The following MPEG1 variants were observed in gnomAD, a reference collection of about 807,000 sequenced individuals.
MPEG1 encodes the protein macrophage-expressed gene 1 protein.
For missense variants in MPEG1, 876 were observed against 880.3 expected (o/e 1.00, Z 0.06); for synonymous variants, 365 against 351.9 (o/e 1.04, Z -0.42).
At position 59,211,829 on chromosome 11, in the gene MPEG1, G is replaced by T. The variant is rs895227851; in HGVS notation, c.1037C>A (p.Thr346Asn). 1 of 1,614,076 alleles carries T rather than the reference G, an allele frequency of 6.2e-7. No homozygotes were observed. Among genetic ancestry groups the T allele is most frequent in the Non-Finnish European group, 8.5e-7 (1 of 1,180,036 alleles). The change falls in exon 1 of 1, where the codon ACC (threonine) becomes AAC (asparagine). Residue 346 changes from threonine (T) to asparagine (N), a missense_variant. Coordinates refer to ENST00000361050, the MANE Select transcript of MPEG1 (RefSeq NM_001039396.2). ...ATTGAGATCTGTGCAGCCAGGGTAG[G>T]TGTTGAATGTATAATAGCGCTTCAC... ...TAVKRYYTFN[T>N]YPGCTDLNSP...
At position 59,211,083 on chromosome 11, in the gene MPEG1, G is replaced by T. The variant is rs756546561; in HGVS notation, c.1783C>A (p.Pro595Thr). The stretch of plus-strand genomic sequence containing the variant: ...CTCATGAGGGGTGGCCGGGTGAAAG[G>T]TGGGAGCCTGGCAGGGGGCAGGGAC... ...GGSLPPARLP[P>T]FTRPPLMSQA... is the part of the protein sequence containing the mutation. The change falls in exon 1 of 1, where the codon CCT (proline) becomes ACT (threonine). Residue 595 changes from proline (P) to threonine (T), a missense_variant. Coordinates refer to ENST00000361050, the MANE Select transcript of MPEG1 (RefSeq NM_001039396.2). 1 of 1,614,074 alleles carries T rather than the reference G, an allele frequency of 6.2e-7. No homozygotes were observed. Among genetic ancestry groups the T allele is most frequent in the East Asian group, 2.2e-5 (1 of 44,902 alleles).
At position 59,211,697 on chromosome 11, in the gene MPEG1, C is replaced by T. The variant is rs759420367; in HGVS notation, c.1169G>A (p.Gly390Glu). 9 of 1,614,194 alleles carry T rather than the reference C, an allele frequency of 5.6e-6. No individual in the cohort carries two copies. The Admixed American group carries it at 1.5e-4, about 27-fold the overall frequency. The change falls in exon 1 of 1, where the codon GGG becomes GAG. Residue 390 changes from glycine (G) to glutamate (E), a missense_variant. By Grantham distance (98) the Gly-to-Glu change is moderately conservative (BLOSUM62 -2). Coordinates refer to ENST00000361050, the MANE Select transcript of MPEG1 (RefSeq NM_001039396.2). ...GVYQECTQLS[G>E]NRDVLLCQKL... ...TTGGCAGAGGAGGACATCCCTATTC[C>T]CTGAGAGCTGAGTGCATTCCTGATA...
chr11:59,211,612 C>G lies in MPEG1; in HGVS notation c.1254G>C (p.Pro418=). The G allele has an allele frequency of 1.2e-6, 2 of 1,614,114 alleles. No individual in the cohort carries two copies. The highest frequency in any genetic ancestry group is 1.7e-6 in the Non-Finnish European group (2 of 1,180,026). ...CGTGGATCTGGGATAACAGGTGCAC[C>G]GGGGAGTAGCCAGAGGGGCAGGAGA... ...GDFSCPSGYS[P]VHLLSQIHEE... The change falls in exon 1 of 1, where the codon CCG becomes CCC. Residue 418 remains proline, a synonymous_variant. Transcript: ENST00000361050.
Position 59,208,714 on chromosome 11 carries a change from GC to G in MPEG1, c.*2000del, listed in dbSNP as rs1862847811. On this transcript the variant is annotated 3_prime_UTR_variant, in exon 1 of 1. Transcript: ENST00000361050. ...CAGTTAGGAACCCAGGACTTGGAAGGCAGAGCCTGTGAGCTCTTCCATCAGG... is the reference window on the plus strand; with the variant it reads ...CAGTTAGGAACCCAGGACTTGGAAGGAGAGCCTGTGAGCTCTTCCATCAGG... The G allele has an allele frequency of 6.6e-6, 1 of 152,212 alleles. No homozygotes were observed. The highest frequency in any genetic ancestry group is 2.4e-5 in the African/African-American group (1 of 41,452). The allele number at this position is 152,212 out of a possible 1,614,324, so 9.4% of individuals were successfully genotyped here.
In MPEG1 at chr11:59,208,777, G is replaced by A. The variant is rs922918210; in HGVS notation, c.*1938C>T. The A allele has an allele frequency of 2.0e-5, 3 of 152,206 alleles. No individual in the cohort carries two copies. The highest frequency in any genetic ancestry group is 4.8e-5 in the African/African-American group (2 of 41,452). 9.4% of individuals were successfully genotyped at this position (152,206 alleles called of 1,614,324 possible). A position where few individuals can be genotyped will look rare whatever the true frequency, so the allele number is the denominator to read the frequency against. On this transcript the variant is annotated 3_prime_UTR_variant, in exon 1 of 1. Coordinates refer to ENST00000361050, the MANE Select transcript of MPEG1 (RefSeq NM_001039396.2). The stretch of plus-strand genomic sequence containing the variant: ...GCAAAACGACTTGATGAATGCAATT[G>A]GCAAACTCCCATGTTCGGACTTCAT...
rs1193428803 is a variant in MPEG1 at position 59,212,039 on chromosome 11, T to A, written c.827A>T (p.Gln276Leu). Reference protein sequence around the residue: ...YLSNRTNSRVQSIGGVPFYPG... With the variant: ...YLSNRTNSRVLSIGGVPFYPG... ...GTAAAAAGGAACCCCTCCAATGCTC[T>A]GCACCCTGGAGTTGGTTCGGTTTGA... The change falls in exon 1 of 1, where the codon CAG (glutamine) becomes CTG (leucine). Residue 276 changes from glutamine (Q) to leucine (L), a missense_variant. Coordinates refer to ENST00000361050, the MANE Select transcript of MPEG1 (RefSeq NM_001039396.2). 2.5e-6 allele frequency: 4 copies of A among 1,611,780 alleles called. No individual in the cohort carries two copies. Among genetic ancestry groups the A allele is most frequent in the Non-Finnish European group, 3.4e-6 (4 of 1,178,860 alleles).
In MPEG1 at chr11:59,211,374, G is replaced by C. The variant is rs1399697292; in HGVS notation, c.1492C>G (p.Pro498Ala). ...INPMTNAQSCPAGYFPLRLFE... is the reference protein window; with the variant it reads ...INPMTNAQSCAAGYFPLRLFE... ...AGTCTCAGTGGAAAGTAGCCGGCTG[G>C]GCATGACTGTGCATTTGTCATGGGG... The change falls in exon 1 of 1, where the codon CCA (proline) becomes GCA (alanine). Residue 498 changes from proline to alanine, a missense_variant. Coordinates refer to ENST00000361050, the MANE Select transcript of MPEG1 (RefSeq NM_001039396.2). 2 of 1,614,020 alleles carry C rather than the reference G, an allele frequency of 1.2e-6. No individual in the cohort carries two copies. The highest frequency in any genetic ancestry group is 1.3e-5 in the African/African-American group (1 of 74,896).
At position 59,210,704 on chromosome 11, in the gene MPEG1, C is replaced by A; in HGVS notation, c.*11G>T. The A allele has an allele frequency of 6.2e-7, 1 of 1,607,278 alleles. No individual in the cohort carries two copies. Among genetic ancestry groups the A allele is most frequent in the South Asian group, 1.1e-5 (1 of 90,186 alleles). On this transcript the variant is annotated 3_prime_UTR_variant, in exon 1 of 1. Coordinates refer to ENST00000361050, the MANE Select transcript of MPEG1 (RefSeq NM_001039396.2). ...CACTGGAGATGAGAGAAACCATTTT[C>A]GGGGAGAGATTTAAGCTGGACTCTG...
rs1228796663 is a variant in MPEG1, at chr11:59,211,943, A to G, written c.923T>C (p.Leu308Pro). 3 of 1,612,250 alleles carry G rather than the reference A, an allele frequency of 1.9e-6. No homozygotes were observed. In the African/African-American group the frequency reaches 4.0e-5, roughly 22 times the overall value. Residue 308 changes from leucine (L) to proline (P), a missense_variant, in exon 1 of 1, where the codon CTG becomes CCG. Physicochemically the swap from Leu to Pro is moderately conservative, Grantham distance 98. Transcript: ENST00000361050. ...GGGGTTGATGAAGAAATGCAGCGGC[A>G]GGCCAGAGCGGTCGATGGCCACCAG... ...NHLVAIDRSG[L>P]PLHFFINPNM...
rs181787265 is a variant in MPEG1, at chr11:59,210,134, G to T, written c.*581C>A. The T allele has an allele frequency of 1.3e-5, 2 of 152,590 alleles. No homozygotes were observed. The highest frequency in any genetic ancestry group is 4.8e-5 in the African/African-American group (2 of 41,518). The allele number at this position is 152,590 out of a possible 1,614,324, so 9.5% of individuals were successfully genotyped here. A position where few individuals can be genotyped will look rare whatever the true frequency, so the allele number is the denominator to read the frequency against. ...CATCAAGGGGCAGCTGGAAAAAGTG[G>T]AATTGGCACAGGCAACATCTTTCTT... On this transcript the variant is annotated 3_prime_UTR_variant, in exon 1 of 1. Coordinates refer to ENST00000361050, the MANE Select transcript of MPEG1 (RefSeq NM_001039396.2).
Position 59,210,982 on chromosome 11 carries a change from G to T in MPEG1, c.1884C>A (p.His628Gln). Residue 628 changes from histidine to glutamine, a missense_variant, in exon 1 of 1, where the codon CAC (histidine) becomes CAA (glutamine). Physicochemically the swap from His to Gln is conservative, Grantham distance 24. Transcript: ENST00000361050. ...CTATCGGTTCTCCCAGCCTCCACTG[G>T]TGGGTCTGGGAGTCTTTAATCCAGG... ...ARSWIKDSQT[H>Q]QWRLGEPIEL... 1 of 1,614,146 alleles carries T rather than the reference G, an allele frequency of 6.2e-7. No individual in the cohort carries two copies.
rs757173564 is a variant in MPEG1, at chr11:59,211,387, A to G, written c.1479T>C (p.Asn493=). ...AGTAGCCGGCTGGGCATGACTGTGC[A>G]TTTGTCATGGGGTTTATGCTCTTGC... ...FSSKSINPMT[N]AQSCPAGYFP... Residue 493 remains asparagine (N), a synonymous_variant, in exon 1 of 1, where the codon AAT becomes AAC. Coordinates refer to ENST00000361050, the MANE Select transcript of MPEG1 (RefSeq NM_001039396.2). 1 of 1,614,182 alleles carries G rather than the reference A, an allele frequency of 6.2e-7. No homozygotes were observed. The highest frequency in any genetic ancestry group is 1.7e-5 in the Admixed American group (1 of 60,024).
rs1351448569 is a variant in MPEG1 at position 59,211,858 on chromosome 11, A to T, written c.1008T>A (p.Thr336=). Residue 336 remains threonine, a synonymous_variant, in exon 1 of 1, where the codon ACT becomes ACA. Transcript: ENST00000361050. ...LVKKVSKTVE[T]AVKRYYTFNT... ...TGAATGTATAATAGCGCTTCACAGC[A>T]GTTTCCACTGTCTTTGACACCTTCT... 1.9e-6 allele frequency: 3 copies of T among 1,614,058 alleles called. No individual in the cohort carries two copies. Among genetic ancestry groups the T allele is most frequent in the Admixed American group, 3.3e-5 (2 of 60,012 alleles).
At position 59,211,130 on chromosome 11, in the gene MPEG1, T is replaced by G; in HGVS notation, c.1736A>C (p.Lys579Thr). ...GGACCCTCCTGTGAAGAGCCCGGATTTGACGCAATAGGACACTTGGCATCC... is the reference window on the plus strand; with the variant it reads ...GGACCCTCCTGTGAAGAGCCCGGATGTGACGCAATAGGACACTTGGCATCC... ...SDGCQVSYCV[K>T]SGLFTGGSLP... Residue 579 changes from lysine to threonine, a missense_variant, in exon 1 of 1, where the codon AAA becomes ACA. Transcript: ENST00000361050. 6.2e-7 allele frequency: 1 copy of G among 1,614,148 alleles called. No homozygotes were observed. The highest frequency in any genetic ancestry group is 8.5e-7 in the Non-Finnish European group (1 of 1,180,026).
rs755739580 is a variant in MPEG1, at chr11:59,210,931, G to A, written c.1935C>T (p.Ile645=). The change falls in exon 1 of 1, where the codon ATC becomes ATT. Residue 645 remains isoleucine, a synonymous_variant. Coordinates refer to ENST00000361050, the MANE Select transcript of MPEG1 (RefSeq NM_001039396.2). Reference sequence around the variant, plus strand: ...CTGACAGACCACCACCATCCCCATGGATGACATTCATGGCCCTCCGCAGCT... The same window carrying A: ...CTGACAGACCACCACCATCCCCATGAATGACATTCATGGCCCTCCGCAGCT... ...PIELRRAMNV[I]HGDGGGLSGG... is the part of the protein sequence containing the mutation. 1 of 1,614,162 alleles carries A rather than the reference G, an allele frequency of 6.2e-7. No homozygotes were observed. The highest frequency in any genetic ancestry group is 8.5e-7 in the Non-Finnish European group (1 of 1,180,008).
rs1862847437 is a variant in MPEG1 at position 59,208,684 on chromosome 11, G to A, written c.*2031C>T. 6.6e-6 allele frequency: 1 copy of A among 152,172 alleles called. No homozygotes were observed. Among genetic ancestry groups the A allele is most frequent in the Non-Finnish European group, 1.5e-5 (1 of 68,030 alleles). 9.4% of individuals were successfully genotyped at this position (152,172 alleles called of 1,614,324 possible). A position where few individuals can be genotyped will look rare whatever the true frequency, so the allele number is the denominator to read the frequency against. On this transcript the variant is annotated 3_prime_UTR_variant, in exon 1 of 1. Transcript: ENST00000361050. ...GTCTCCCCACAGACCCCAGGCTAAG[G>A]TCACCAGTTAGGAACCCAGGACTTG...
In MPEG1 at chr11:59,212,075, T is replaced by C; in HGVS notation, c.791A>G (p.Lys264Arg). The stretch of plus-strand genomic sequence containing the variant: ...GTTGGTTCGGTTTGAGAGGTAGCTC[T>C]TGGTGAGGACATTCTGCGAGGTATA... ...ENYTSQNVLTKSYLSNRTNSR... is the reference protein window; with the variant it reads ...ENYTSQNVLTRSYLSNRTNSR... The change falls in exon 1 of 1, where the codon AAG becomes AGG. Residue 264 changes from lysine to arginine, a missense_variant. Physicochemically the swap from Lys to Arg is conservative, Grantham distance 26 (BLOSUM62 2). Transcript: ENST00000361050. The C allele has an allele frequency of 6.2e-7, 1 of 1,613,848 alleles. No homozygotes were observed. Among genetic ancestry groups the C allele is most frequent in the Non-Finnish European group, 8.5e-7 (1 of 1,179,876 alleles).
rs1565224709 is a variant in MPEG1, at chr11:59,210,042, A to C, written c.*673T>G. On this transcript the variant is annotated 3_prime_UTR_variant, in exon 1 of 1. Transcript: ENST00000361050. Reference sequence around the variant, plus strand: ...TTCCTTAATAACTTAAAATAACTTAAAATATTTTCTGAGGACTTGATGACA... The same window carrying C: ...TTCCTTAATAACTTAAAATAACTTACAATATTTTCTGAGGACTTGATGACA... The C allele has an allele frequency of 1.3e-5, 2 of 152,202 alleles. No homozygotes were observed. The highest frequency in any genetic ancestry group is 2.9e-5 in the Non-Finnish European group (2 of 68,060). 9.4% of individuals were successfully genotyped at this position (152,202 alleles called of 1,614,324 possible). A position where few individuals can be genotyped will look rare whatever the true frequency, so the allele number is the denominator to read the frequency against.
chr11:59,209,848 GTGT>G lies in MPEG1; in HGVS notation c.*864_*866del, dbSNP rs1862865042. 7.1e-4 allele frequency: 48 copies of G among 67,452 alleles called. No homozygotes were observed. The highest frequency in any genetic ancestry group is 2.9e-3 in the South Asian group (6 of 2,088). The allele number at this position is 67,452 out of a possible 1,614,324, so 4.2% of individuals were successfully genotyped here. A position where few individuals can be genotyped will look rare whatever the true frequency, so the allele number is the denominator to read the frequency against. On this transcript the variant is annotated 3_prime_UTR_variant, in exon 1 of 1. Coordinates refer to ENST00000361050, the MANE Select transcript of MPEG1 (RefSeq NM_001039396.2). Reference sequence around the variant, plus strand: ...ATGAAGACTTATTGAAATGTGGTATGTGTGTGCGTGTGTGTGTGTGTGTGTGTG... The same window carrying G: ...ATGAAGACTTATTGAAATGTGGTATGGTGCGTGTGTGTGTGTGTGTGTGTG...
Sources: gnomAD v4.1 joint callset for allele counts on GRCh38, gnomAD v4.1.1 for gene constraint, MANE v1.5 for transcripts, NCBI Gene and HGNC (gene_info 2026-07-23, HGNC 2026-07-21) for gene names.